The following NPAS3 variants were observed in gnomAD, a reference collection of about 807,000 sequenced individuals.
The protein encoded by NPAS3 is neuronal PAS domain-containing protein 3.
A neutral mutation model predicts 73.1 loss-of-function variants in NPAS3; 14 were observed. That is an observed-to-expected ratio of 0.19 (90% CI 0.13 to 0.30). The LOEUF (loss-of-function observed/expected upper bound fraction) is 0.30, where lower values mean the gene tolerates loss of function less well. NPAS3 is among the 10% of genes least tolerant of loss of function. The pLI is 1.00. For missense variants in NPAS3, 1,096 were observed against 1,250.0 expected, an observed-to-expected ratio of 0.88 and a Z score of 1.86; for synonymous variants, 620 against 541.5, an observed-to-expected ratio of 1.14 and a Z score of -2.01.
chr14:33,361,983 C>T (rs944448461), intron 3 of NPAS3, among the ~76,000 whole-genome samples: 1 of 152,104 alleles, frequency 6.6e-6, no homozygotes, highest in Non-Finnish European at 1.5e-5. Context: ...ACTGAAAAAG[C>T]ACTGTGATTA....
intron 4 of NPAS3, among the ~76,000 whole-genome samples, chr14:33,374,733 G>A (rs2046247249): frequency 6.6e-6 from 1 of 151,518 alleles, no homozygotes; most frequent in Non-Finnish European, 1.5e-5. Context: ...TGCCAAATCT[G>A]CTGATAGACA....
At chr14:33,746,094 C>T (rs2061782148) in intron 7 of NPAS3, among the ~76,000 whole-genome samples, 1 of 152,158 alleles carries the variant, frequency 6.6e-6, no homozygotes. Context: ...GCCCCTGTGG[C>T]TTGAACCCTG....
intron 3 of NPAS3, among the ~76,000 whole-genome samples, chr14:33,254,392 C>G (rs2048700828): frequency 6.6e-6 from 1 of 152,092 alleles, no homozygotes; most frequent in Non-Finnish European, 1.5e-5. Flanking sequence ...AGTGTCCACT[C>G]AGATACTCAG....
chr14:33,291,008 A>G (rs2042077502), intron 3 of NPAS3, among the ~76,000 whole-genome samples: 1 of 151,872 alleles, frequency 6.6e-6, no homozygotes. Flanking sequence ...AGTGGAATCT[A>G]CAAGTGGTAT....
intron 4 of NPAS3, among the ~76,000 whole-genome samples, chr14:33,393,519 T>C (rs1299888272): frequency 6.6e-6 from 1 of 152,144 alleles, no homozygotes; most frequent in Non-Finnish European, 1.5e-5. Context: ...ACCAGTTACA[T>C]GTATTTTAGG....
chr14:33,149,425 C>A (rs2044366204), intron 2 of NPAS3, among the ~76,000 whole-genome samples: 1 of 152,198 alleles, frequency 6.6e-6, no homozygotes, highest in African/African-American at 2.4e-5. Context: ...CTTCTCATGA[C>A]TATCTTCTTA....
At chr14:33,005,135 A>T (rs1488196247) in intron 1 of NPAS3, among the ~76,000 whole-genome samples, 1 of 152,164 alleles carries the variant, frequency 6.6e-6, no homozygotes, top group Non-Finnish European at 1.5e-5. Flanking sequence ...CTAAACCAGT[A>T]ACTTAGTCAT....
intron 3 of NPAS3, among the ~76,000 whole-genome samples, chr14:33,316,701 G>T (rs1313104052): frequency 6.6e-6 from 1 of 151,954 alleles, no homozygotes; most frequent in South Asian, 2.1e-4. Context: ...AAAGTTGCAG[G>T]CCCTCTTGTG....
chr14:33,253,236 A>G (rs2048654931), intron 3 of NPAS3, among the ~76,000 whole-genome samples: 1 of 152,116 alleles, frequency 6.6e-6, no homozygotes, highest in South Asian at 2.1e-4. Context: ...TTACATTCTC[A>G]ACAGTGTATA....
intron 3 of NPAS3, among the ~76,000 whole-genome samples, chr14:33,266,400 T>A (rs754761595): frequency 2.0e-5 from 3 of 152,144 alleles, no homozygotes; most frequent in Non-Finnish European, 1.5e-5. Flanking sequence ...AGAGCTCATA[T>A]CTAGGTTCCA....
intron 4 of NPAS3, among the ~76,000 whole-genome samples, chr14:33,373,830 G>A (rs559337681): frequency 6.6e-6 from 1 of 152,214 alleles, no homozygotes; most frequent in East Asian, 1.9e-4. Context: ...TCTCTGAGGG[G>A]ACTGAGTAAG....
chr14:33,018,748 C>G (rs562415561), intron 1 of NPAS3, among the ~76,000 whole-genome samples: 2 of 152,048 alleles, frequency 1.3e-5, no homozygotes, highest in Non-Finnish European at 2.9e-5. Context: ...GCACTGAATT[C>G]ATTAGGTTAC....
At chr14:33,103,635 T>C (rs1039772297) in intron 2 of NPAS3, among the ~76,000 whole-genome samples, 1 of 152,146 alleles carries the variant, frequency 6.6e-6, no homozygotes, top group African/African-American at 2.4e-5. Flanking sequence ...AACTTTTATT[T>C]TGAGGTCAGT....
intron 6 of NPAS3, among the ~76,000 whole-genome samples, chr14:33,710,402 G>A (rs144031696): frequency 6.6e-6 from 1 of 152,168 alleles, no homozygotes; most frequent in Non-Finnish European, 1.5e-5. Flanking sequence ...AGTTGATAAA[G>A]GGTCATTTGT....
intron 6 of NPAS3, chr14:33,680,986 C>CA: frequency 4.5e-6 from 1 of 223,504 alleles, no homozygotes; most frequent in East Asian, 1.0e-4. Context: ...TTAAGGCCAG[C>CA]AAAATGGAAA....
intron 5 of NPAS3, among the ~76,000 whole-genome samples, chr14:33,649,404 C>G (rs1402324011): frequency 6.6e-6 from 1 of 152,182 alleles, no homozygotes; most frequent in South Asian, 2.1e-4. Flanking sequence ...GGGCTGAAAG[C>G]CCTTCAAAAT....
Position 33,778,827 on chromosome 14 carries a change from T to G in NPAS3, c.1153+255T>G, listed in dbSNP as rs149566910. Among the ~76,000 whole-genome samples, 917 of 152,338 alleles carry G rather than the reference T, an allele frequency of 6.0e-3. 9 individuals carry two copies. The highest frequency in any genetic ancestry group is 0.021 in the African/African-American group (868 of 41,566). On this transcript the variant is annotated intron_variant, in intron 9 of 11. Coordinates refer to ENST00000356141, the Ensembl canonical transcript of NPAS3. ...GAATTCTGTGGTGTCTTTTGCTGTC[T>G]CTCCTATAAAGTGGTGGGGAAACCT...
At chr14:33,209,406 A>G (rs986688973) in intron 2 of NPAS3, among the ~76,000 whole-genome samples, 34 of 152,190 alleles carry the variant, frequency 2.2e-4, no homozygotes, top group Admixed American at 9.2e-4. Flanking sequence ...AGCATTGCTT[A>G]TAGAATCTTT....
At chr14:33,564,711 T>G (rs553374350) in intron 5 of NPAS3, among the ~76,000 whole-genome samples, 7 of 152,178 alleles carry the variant, frequency 4.6e-5, no homozygotes, top group Non-Finnish European at 1.0e-4. Context: ...GAGAATACAA[T>G]TGGACTCACA....
Sources: gnomAD v4.1 joint callset for allele counts (sites outside exome capture counted in the v4.1 genomes callset) on GRCh38, gnomAD v4.1.1 for gene constraint, MANE v1.5 for transcripts, NCBI Gene and HGNC (gene_info 2026-07-23, HGNC 2026-07-21) for gene names.